The following ADNP variants were observed in gnomAD, a reference collection of about 807,000 sequenced individuals.
The protein encoded by ADNP is activity dependent neuroprotector homeobox.
A neutral mutation model predicts 84.9 loss-of-function variants in ADNP; 4 were observed. The observed-to-expected ratio is 0.05, with a 90% CI of 0.02 to 0.11. The LOEUF is 0.11. ADNP is among the 10% of genes least tolerant of loss of function. ADNP has a pLI of 1.00. For missense variants in ADNP, 1,132 were observed against 1,326.0 expected, an observed-to-expected ratio of 0.85 and a Z score of 2.27; for synonymous variants, 554 against 468.1, an observed-to-expected ratio of 1.18 and a Z score of -2.37.
chr20:50,909,363 C>CAAAAAAAAAAAAAAAAAAAAAAAAAAAAA (rs3069819), intron 2 of ADNP: 4 of 44,354 alleles, frequency 9.0e-5, no homozygotes, highest in Admixed American at 4.3e-4. Flanking sequence ...AAAACTGTCT[C>CAAAAAAAAAAAAAAAAAAAAAAAAAAAAA]AAAAAAAAAA....
At chr20:50,898,108 C>CA (rs1446347945) in intron 5 of ADNP, among the ~76,000 whole-genome samples, 1 of 152,216 alleles carries the variant, frequency 6.6e-6, no homozygotes, top group African/African-American at 2.4e-5. Context: ...AAAGTCCTTT[C>CA]AGGCATCTGT....
Position 50,892,556 on chromosome 20 carries a change from C to T in ADNP, c.2158G>A (p.Glu720Lys), listed in dbSNP as rs958769202. Residue 720 changes from glutamate to lysine, a missense_variant, in exon 6 of 6, where the codon GAG becomes AAG. By Grantham distance (56) the Glu-to-Lys change is moderately conservative (BLOSUM62 1). Around this residue, in one of 10 missense-constraint regions of ADNP, gnomAD observed 101 missense variants for 78.5 expected, o/e 1.29. Coordinates refer to ENST00000621696, the MANE Select transcript of ADNP (RefSeq NM_001282531.3). Reference sequence around the variant, plus strand: ...TTCAGTAAGGGAAATTCCATTTGCTCGTAAGTGCGCTTCACAGGTGCCAGA... The same window carrying T: ...TTCAGTAAGGGAAATTCCATTTGCTTGTAAGTGCGCTTCACAGGTGCCAGA... The part of the protein sequence containing the change: ...PSLAPVKRTY[E>K]QMEFPLLKKR... The T allele has an allele frequency of 5.0e-6, 8 of 1,614,032 alleles. No homozygotes were observed. Among genetic ancestry groups the T allele is most frequent in the African/African-American group, 1.3e-5 (1 of 74,910 alleles).
Position 50,892,088 on chromosome 20 carries a change from A to T in ADNP, c.2626T>A (p.Ser876Thr). Residue 876 changes from serine (S) to threonine (T), a missense_variant, in exon 6 of 6, where the codon TCA becomes ACA. This residue lies in a region of ADNP where 381 missense variants were observed against 319.9 expected (regional missense o/e 1.19). Coordinates refer to ENST00000621696, the MANE Select transcript of ADNP (RefSeq NM_001282531.3). ...LNLGKEDDSS[S>T]DSFENLEEES... ...TCTTCCAAATTTTCAAAACTGTCTG[A>T]GGAACTGTCATCTTCCTTCCCAAGG... 1 of 1,614,172 alleles carries T rather than the reference A, an allele frequency of 6.2e-7. No individual in the cohort carries two copies. Among genetic ancestry groups the T allele is most frequent in the Non-Finnish European group, 8.5e-7 (1 of 1,180,036 alleles).
At chr20:50,898,234 T>C (rs780010376) in intron 5 of ADNP, among the ~76,000 whole-genome samples, 1 of 152,174 alleles carries the variant, frequency 6.6e-6, no homozygotes, top group South Asian at 2.1e-4. Context: ...ACATCAGCAC[T>C]CACAAACTCA....
At chr20:50,925,877 G>A (rs1984258255) in intron 2 of ADNP, among the ~76,000 whole-genome samples, 1 of 152,254 alleles carries the variant, frequency 6.6e-6, no homozygotes. Context: ...AAGGCAGGCG[G>A]ATCACCTGAG....
In ADNP at chr20:50,892,407, G is replaced by C. The variant is rs1980872774; in HGVS notation, c.2307C>G (p.Ser769Arg). 1.2e-6 allele frequency: 2 copies of C among 1,614,178 alleles called. No homozygotes were observed. The highest frequency in any genetic ancestry group is 1.7e-6 in the Non-Finnish European group (2 of 1,180,042). Residue 769 changes from serine (S) to arginine (R), a missense_variant, in exon 6 of 6, where the codon AGC becomes AGG. Transcript: ENST00000621696. ...HEDDSYEARKSFLTKYFNKQP... is the reference protein window; with the variant it reads ...HEDDSYEARKRFLTKYFNKQP... ...GTTTGTTGAAATACTTTGTTAGAAA[G>C]CTTTTCCTGGCTTCATAGGAATCAT...
In ADNP at chr20:50,890,879, G is replaced by A. The variant is rs1485407197; in HGVS notation, c.*526C>T. ...CACAGCAAGGGCAACACTAAAAAAAGAAATCTATGATGGGCACACAGTAAC... is the reference window on the plus strand; with the variant it reads ...CACAGCAAGGGCAACACTAAAAAAAAAAATCTATGATGGGCACACAGTAAC... On this transcript the variant is annotated 3_prime_UTR_variant, in exon 6 of 6. Transcript: ENST00000621696. 1.0e-6 allele frequency: 1 copy of A among 974,992 alleles called. No individual in the cohort carries two copies. Among genetic ancestry groups the A allele is most frequent in the East Asian group, 1.1e-4 (1 of 8,774 alleles). 60.4% of individuals were successfully genotyped at this position (974,992 alleles called of 1,614,324 possible).
intron 2 of ADNP, among the ~76,000 whole-genome samples, chr20:50,906,056 CAAAAAAT>C (rs1982444765): frequency 2.0e-5 from 3 of 152,034 alleles, no homozygotes; most frequent in African/African-American, 7.2e-5. Context: ...ACTAAAAATA[CAAAAAAT>C]TAGCTGGACG....
Position 50,894,062 on chromosome 20 carries a change from C to G in ADNP, c.652G>C (p.Glu218Gln). ...AVPLGSNARE[E>Q]SSIHCKRCLF... ...CATCGCTTGCAGTGAATACTACTCT[C>G]TTCTCGGGCATTCGAGCCTAAGGGG... The change falls in exon 6 of 6, where the codon GAG (glutamate) becomes CAG (glutamine). Residue 218 changes from glutamate (E) to glutamine (Q), a missense_variant. Glu to Gln is a conservative substitution (Grantham distance 29, BLOSUM62 2). Coordinates refer to ENST00000621696, the MANE Select transcript of ADNP (RefSeq NM_001282531.3). The G allele has an allele frequency of 1.2e-6, 2 of 1,614,222 alleles. No homozygotes were observed. Among genetic ancestry groups the G allele is most frequent in the Non-Finnish European group, 1.7e-6 (2 of 1,180,032 alleles).
intron 2 of ADNP, among the ~76,000 whole-genome samples, chr20:50,923,214 C>A (rs1600994088): frequency 6.6e-6 from 1 of 152,168 alleles, no homozygotes; most frequent in African/African-American, 2.4e-5. Flanking sequence ...CAGAAGCATG[C>A]CAAGTCTTTG....
rs945318495 is a variant in ADNP at position 50,893,685 on chromosome 20, A to G, written c.1029T>C (p.Val343=). 5.0e-6 allele frequency: 8 copies of G among 1,614,006 alleles called. No individual in the cohort carries two copies. The highest frequency in any genetic ancestry group is 1.3e-5 in the African/African-American group (1 of 74,916). The part of the protein sequence containing the change: ...GVKSVGQGYS[V]GQSMRLGLGG... ...CTAGACCCAGTCTCATTGACTGACC[A>G]ACACTGTAACCCTGGCCTACAGATT... The change falls in exon 6 of 6, where the codon GTT becomes GTC. Residue 343 remains valine, a synonymous_variant. Transcript: ENST00000621696. The surrounding 1 kb of genome is among the most constrained non-coding windows in gnomAD (Gnocchi z 4.4).
rs1268585038 is a variant in ADNP at position 50,891,069 on chromosome 20, C to G, written c.*336G>C. The G allele has an allele frequency of 3.6e-5, 39 of 1,097,302 alleles. No individual in the cohort carries two copies. The highest frequency in any genetic ancestry group is 4.3e-5 in the Non-Finnish European group (39 of 902,430). 68.0% of individuals were successfully genotyped at this position (1,097,302 alleles called of 1,614,324 possible). A position where few individuals can be genotyped will look rare whatever the true frequency, so the allele number is the denominator to read the frequency against. ...TACACTACCATGTGAATTAGTTTAA[C>G]ACTTCTCAAAGACATCTGACCAATC... is the stretch of plus-strand genomic sequence containing the variant. On this transcript the variant is annotated 3_prime_UTR_variant, in exon 6 of 6. Coordinates refer to ENST00000621696, the MANE Select transcript of ADNP (RefSeq NM_001282531.3).
intron 2 of ADNP, among the ~76,000 whole-genome samples, chr20:50,919,798 C>T (rs955162725): frequency 6.6e-6 from 1 of 152,098 alleles, no homozygotes; most frequent in Non-Finnish European, 1.5e-5. Flanking sequence ...CTCAACTCCA[C>T]TGAGTCAGAA....
chr20:50,910,684 ACT>A, intron 2 of ADNP, among the ~76,000 whole-genome samples: 1 of 151,950 alleles, frequency 6.6e-6, no homozygotes, highest in Non-Finnish European at 1.5e-5. Flanking sequence ...AAAGGGTCTC[ACT>A]CTGTGTTACC....
chr20:50,890,119 T>G lies in ADNP; in HGVS notation c.*1286A>C, dbSNP rs1209065596. 3.8e-6 allele frequency: 1 copy of G among 265,804 alleles called. No homozygotes were observed. The highest frequency in any genetic ancestry group is 6.8e-6 in the Non-Finnish European group (1 of 146,972). 16.5% of individuals were successfully genotyped at this position (265,804 alleles called of 1,614,324 possible). A position where few individuals can be genotyped will look rare whatever the true frequency, so the allele number is the denominator to read the frequency against. ...GGTGAACTGAAAAACTCAAGGGTGT[T>G]TGTTTTTCAGTTAAAAAAAAAAAAA... is the stretch of plus-strand genomic sequence containing the variant. On this transcript the variant is annotated 3_prime_UTR_variant, in exon 6 of 6. Transcript: ENST00000621696.
Position 50,892,585 on chromosome 20 carries a change from G to A in ADNP, c.2129C>T (p.Pro710Leu). ...AGTGCGCTTCACAGGTGCCAGACTTGGAGACTGATTAAGCCGAGAGGGTGC... is the reference window on the plus strand; with the variant it reads ...AGTGCGCTTCACAGGTGCCAGACTTAGAGACTGATTAAGCCGAGAGGGTGC... ...TNAPSRLNQS[P>L]SLAPVKRTYE... Residue 710 changes from proline to leucine, a missense_variant, in exon 6 of 6, where the codon CCA becomes CTA. Coordinates refer to ENST00000621696, the MANE Select transcript of ADNP (RefSeq NM_001282531.3). 6.2e-7 allele frequency: 1 copy of A among 1,614,212 alleles called. No homozygotes were observed. The highest frequency in any genetic ancestry group is 1.7e-5 in the Admixed American group (1 of 60,026).
chr20:50,914,331 A>C (rs8117058), intron 2 of ADNP: 3 of 675,708 alleles, frequency 4.4e-6, no homozygotes, highest in Admixed American at 4.3e-5. Context: ...AGAATAAAGA[A>C]GAAAAGAAAC....
At chr20:50,930,321 G>A (rs545660517) in intron 1 of ADNP, among the ~76,000 whole-genome samples, 230 of 152,168 alleles carry the variant, frequency 1.5e-3, no homozygotes, top group Non-Finnish European at 2.6e-3. Flanking sequence ...GGGAGGCAAA[G>A]ACTCACTCCA....
At chr20:50,924,990 G>C (rs879142970) in intron 2 of ADNP, among the ~76,000 whole-genome samples, 1 of 152,040 alleles carries the variant, frequency 6.6e-6, no homozygotes, top group Admixed American at 6.6e-5. Flanking sequence ...TTTATTTCCA[G>C]AACACTGCTG....
Sources: gnomAD v4.1 joint callset for allele counts (sites outside exome capture counted in the v4.1 genomes callset) on GRCh38, gnomAD v4.1.1 for gene constraint, gnomAD v4.1.1 regional missense constraint, Gnocchi (gnomAD v3.1) non-coding constraint, MANE v1.5 for transcripts, NCBI Gene and HGNC (gene_info 2026-07-23, HGNC 2026-07-21) for gene names.